The following ARHGAP8 variants were observed in gnomAD, a reference collection of about 807,000 sequenced individuals.
The protein encoded by ARHGAP8 is Rho GTPase activating protein 8.
In ARHGAP8, 62 loss-of-function variants were observed where a neutral mutation model predicts 46.1. The ratio of observed to expected loss-of-function variants is 1.34; its 90% CI spans 1.10 to 1.66. The LOEUF is 1.66. Ranked by LOEUF, ARHGAP8 falls within the 40% of genes most tolerant of loss-of-function variation. The pLI, the probability that ARHGAP8 is intolerant of heterozygous loss-of-function variation, is 0.00. For missense variants in ARHGAP8, 923 were observed against 568.4 expected, an observed-to-expected ratio of 1.62 and a Z score of -6.34; for synonymous variants, 375 against 243.1, an observed-to-expected ratio of 1.54 and a Z score of -5.05.
At position 44,862,741 on chromosome 22, in the gene ARHGAP8, G is replaced by A. The variant is rs994310178; in HGVS notation, c.*146G>A. 4 of 994,386 alleles carry A rather than the reference G, an allele frequency of 4.0e-6. No individual in the cohort carries two copies. The African/African-American group carries it at 6.5e-5, about 16-fold the overall frequency. 61.6% of individuals were successfully genotyped at this position (994,386 alleles called of 1,614,324 possible). On this transcript the variant is annotated 3_prime_UTR_variant, in exon 12 of 12. Coordinates refer to ENST00000356099, the MANE Select transcript of ARHGAP8 (RefSeq NM_181335.3). ...GAAAACTCCATGCCTCTGGTCCTTG[G>A]ACTCTTGTCCATGGTTCCTGAGCTG...
rs1452921414 is a variant in ARHGAP8 at position 44,862,516 on chromosome 22, TGCCACGGACACAA to T, written c.1231_1243del (p.Thr411AlafsTer12). ...AGGGCAGCCCCTTTGCAGGAGGCTG[TGCCACGGACACAA>T]GCCACGGGCCTCACCAAGCCTACCC... is the stretch of plus-strand genomic sequence containing the variant. On this transcript the variant is annotated frameshift_variant, in exon 12 of 12. Transcript: ENST00000356099. LOFTEE classifies it low-confidence loss of function (END_TRUNC). The T allele has an allele frequency of 3.1e-5, 50 of 1,612,418 alleles. No individual in the cohort carries two copies. The highest frequency in any genetic ancestry group is 4.5e-5 in the East Asian group (2 of 44,844).
chr22:44,792,906 T>C (rs925272126), intron 2 of ARHGAP8, among the ~76,000 whole-genome samples: 1 of 151,538 alleles, frequency 6.6e-6, no homozygotes, highest in Non-Finnish European at 1.5e-5. Context: ...TCACTGCAAC[T>C]TCTGCCTCCC....
chr22:44,825,905 T>TG (rs1259835178), intron 7 of ARHGAP8, among the ~76,000 whole-genome samples: 7 of 84,632 alleles, frequency 8.3e-5, no homozygotes, highest in Non-Finnish European at 8.6e-5. Context: ...CGTGCCTCGT[T>TG]GGGGGGGCGC....
intron 7 of ARHGAP8, among the ~76,000 whole-genome samples, chr22:44,833,096 C>CTTTTCT (rs535842585): frequency 0.011 from 1,339 of 120,464 alleles, 10 homozygotes; most frequent in East Asian, 0.031. Context: ...CTTTTCTTTT[C>CTTTTCT]TTTTTTTTTT....
chr22:44,855,909 G>A (rs568679687), intron 10 of ARHGAP8, among the ~76,000 whole-genome samples: 35 of 152,292 alleles, frequency 2.3e-4, no homozygotes, highest in Admixed American at 3.9e-4. Context: ...TAGGAAGCAC[G>A]GTGTTGGCAT....
intron 2 of ARHGAP8, among the ~76,000 whole-genome samples, chr22:44,797,933 A>T (rs1021241005): frequency 6.6e-6 from 1 of 151,696 alleles, no homozygotes; most frequent in Non-Finnish European, 1.5e-5. Context: ...TCAGCCTCCC[A>T]AAGTGCTGGG....
intron 1 of ARHGAP8, among the ~76,000 whole-genome samples, chr22:44,761,455 TAA>T (rs1258201724): frequency 3.3e-5 from 5 of 152,234 alleles, no homozygotes; most frequent in Admixed American, 2.0e-4. Context: ...TACATTGTGT[TAA>T]GTGTTACAGG....
chr22:44,845,457 G>A, intron 8 of ARHGAP8, 115 bp downstream of exon 8: 2 of 1,426,800 alleles, frequency 1.4e-6, no homozygotes, highest in South Asian at 1.2e-5. Context: ...CAGGAAGGGA[G>A]GGGCTCAAGC....
At chr22:44,760,397 G>C (rs1045955664) in intron 1 of ARHGAP8, among the ~76,000 whole-genome samples, 1 of 152,190 alleles carries the variant, frequency 6.6e-6, no homozygotes, top group African/African-American at 2.4e-5. Flanking sequence ...TCGCTGGCCA[G>C]TGTCTGCCTC....
In ARHGAP8 at chr22:44,862,479, G is replaced by A. The variant is rs202125480; in HGVS notation, c.1186G>A (p.Glu396Lys). Residue 396 changes from glutamate to lysine, a missense_variant, in exon 12 of 12, where the codon GAA becomes AAA. Coordinates refer to ENST00000356099, the MANE Select transcript of ARHGAP8 (RefSeq NM_181335.3). Reference sequence around the variant, plus strand: ...TGGGGAGCACGGCCTGGCACCATGGGAACAGGGGAGCAGGGCAGCCCCTTT... The same window carrying A: ...TGGGGAGCACGGCCTGGCACCATGGAAACAGGGGAGCAGGGCAGCCCCTTT... ...APGEHGLAPW[E>K]QGSRAAPLQE... 54 of 1,613,496 alleles carry A rather than the reference G, an allele frequency of 3.3e-5. No homozygotes were observed. In the South Asian group the frequency reaches 5.1e-4, roughly 15 times the overall value.
chr22:44,821,421 T>G (rs1161366620), intron 5 of ARHGAP8, among the ~76,000 whole-genome samples: 1 of 59,862 alleles, frequency 1.7e-5, no homozygotes, highest in Non-Finnish European at 3.2e-5. Flanking sequence ...AGAGCGAGAC[T>G]CCATCTCGAA....
chr22:44,801,605 T>A (rs2047404944), intron 2 of ARHGAP8, among the ~76,000 whole-genome samples: 1 of 152,234 alleles, frequency 6.6e-6, no homozygotes, highest in Admixed American at 6.5e-5. Flanking sequence ...GCTGAGCATC[T>A]GCATTCCTGA....
At position 44,862,364 on chromosome 22, in the gene ARHGAP8, C is replaced by G. The variant is rs141245253; in HGVS notation, c.1071C>G (p.Val357=). Residue 357 remains valine, a synonymous_variant, in exon 12 of 12, where the codon GTC becomes GTG. Coordinates refer to ENST00000356099, the MANE Select transcript of ARHGAP8 (RefSeq NM_181335.3). ...ATTTGATCTGGCCATCCCAGGGGGT[C>G]TCCTCCCTGAGTGCCCTTGTGCCCC... ...GLNLIWPSQG[V]SSLSALVPLN... 3 of 1,614,126 alleles carry G rather than the reference C, an allele frequency of 1.9e-6. No homozygotes were observed. The highest frequency in any genetic ancestry group is 1.6e-4 in the Middle Eastern group (1 of 6,062).
At position 44,773,179 on chromosome 22, in the gene ARHGAP8, T is replaced by G. The variant is rs373945625; in HGVS notation, c.-71-13278T>G. Among the ~76,000 whole-genome samples the G allele has an allele frequency of 7.9e-5, 12 of 152,326 alleles. No homozygotes were observed. In the South Asian group the frequency reaches 1.0e-3, roughly 13 times the overall value. ...TAGTGGGCTATTCAGGTTATCAGTT[T>G]CTTCTTGAATGAGCTTTGGTAGCTT... is the stretch of plus-strand genomic sequence containing the variant. On this transcript the variant is annotated intron_variant, in intron 1 of 11. Transcript: ENST00000356099.
intron 1 of ARHGAP8, among the ~76,000 whole-genome samples, chr22:44,778,548 C>T (rs1926588455): frequency 6.6e-6 from 1 of 152,152 alleles, no homozygotes; most frequent in African/African-American, 2.4e-5. Flanking sequence ...CACCCAGTAG[C>T]GGGATTGCTG....
chr22:44,774,679 C>A (rs1382254974), intron 1 of ARHGAP8, among the ~76,000 whole-genome samples: 1 of 151,864 alleles, frequency 6.6e-6, no homozygotes, highest in Admixed American at 6.6e-5. Context: ...CCCGCCACCA[C>A]ACCTGGCTAA....
At chr22:44,846,068 C>T (rs1447372551) in intron 8 of ARHGAP8, among the ~76,000 whole-genome samples, 4 of 151,692 alleles carry the variant, frequency 2.6e-5, no homozygotes, top group African/African-American at 4.8e-5. Flanking sequence ...CTCCAGAGCT[C>T]GGCTCAACAG....
chr22:44,818,306 G>C (rs1929890824), intron 5 of ARHGAP8, among the ~76,000 whole-genome samples: 2 of 151,888 alleles, frequency 1.3e-5, no homozygotes, highest in African/African-American at 4.8e-5. Flanking sequence ...AAAATCAGCT[G>C]GGCGTGGTGG....
chr22:44,756,361 C>T (rs1353226793), intron 1 of ARHGAP8, among the ~76,000 whole-genome samples: 1 of 152,206 alleles, frequency 6.6e-6, no homozygotes, highest in Non-Finnish European at 1.5e-5. Context: ...GAAGGTACCT[C>T]TGAGGCCCCT....
Sources: allele counts gnomAD v4.1 joint callset (sites outside exome capture counted in the v4.1 genomes callset), GRCh38; gene constraint gnomAD v4.1.1; transcripts MANE v1.5; gene names NCBI Gene and HGNC (gene_info 2026-07-23, HGNC 2026-07-21).